Variants in CDKN3 observed in about 807,000 individuals in gnomAD.
CDKN3 encodes the protein cyclin dependent kinase inhibitor 3.
In CDKN3, 19 loss-of-function variants were observed where a neutral mutation model predicts 36.1. The observed-to-expected ratio is 0.53, with a 90% confidence interval of 0.37 to 0.77. The LOEUF (loss-of-function observed/expected upper bound fraction) is 0.77, where lower values mean the gene tolerates loss of function less well. CDKN3 is among the 30% of genes least tolerant of loss of function. The pLI, the probability that CDKN3 is intolerant of heterozygous loss-of-function variation, is 0.00. For missense variants in CDKN3, 188 were observed against 248.6 expected (o/e 0.76, Z 1.64); for synonymous variants, 71 against 85.3 (o/e 0.83, Z 0.92).
chr14:54,400,048 C>A, intron 2 of CDKN3, 72 bp downstream of exon 2: 1 of 790,472 alleles, frequency 1.3e-6, no homozygotes, highest in Non-Finnish European at 2.3e-6. Context: ...TTAGTTACAT[C>A]ATAATCTTAG....
intron 5 of CDKN3, among the ~76,000 whole-genome samples, chr14:54,415,333 T>C (rs1471750981): frequency 6.6e-6 from 1 of 152,218 alleles, no homozygotes; most frequent in Non-Finnish European, 1.5e-5. Context: ...CTGATGTACA[T>C]ACTATTGCTA....
At chr14:54,398,659 T>C (rs1886387082) in intron 1 of CDKN3, among the ~76,000 whole-genome samples, 1 of 152,240 alleles carries the variant, frequency 6.6e-6, no homozygotes, top group Non-Finnish European at 1.5e-5. Flanking sequence ...TGTTTTGTTT[T>C]TGTTTTTCTT....
rs973278759 is a variant in CDKN3, at chr14:54,415,373, C to T, written c.417-526C>T. Among the ~76,000 whole-genome samples the T allele has an allele frequency of 2.0e-5, 3 of 152,182 alleles. No individual in the cohort carries two copies. In the East Asian group the frequency reaches 5.8e-4, roughly 29 times the overall value. On this transcript the variant is annotated intron_variant, in intron 5 of 7. Transcript: ENST00000335183. ...CATTTTAAAGGTGAAAAGGCTGAGT[C>T]CCAGAGAGATTAAATAACTTGCTTA... is the stretch of plus-strand genomic sequence containing the variant.
At position 54,401,428 on chromosome 14, in the gene CDKN3, T is replaced by G. The variant is rs2029936015; in HGVS notation, c.93-96T>G. ...ACTACTGTAAAACTTTAACACAACT[T>G]TATTTGGTGGCAAGCACCCATATTG... On this transcript the variant is annotated intron_variant, in intron 2 of 7. Coordinates refer to ENST00000335183, the MANE Select transcript of CDKN3 (RefSeq NM_005192.4). The G allele has an allele frequency of 4.1e-6, 3 of 728,222 alleles. No individual in the cohort carries two copies. In the East Asian group the frequency reaches 8.0e-5, roughly 20 times the overall value. 45.1% of individuals were successfully genotyped at this position (728,222 alleles called of 1,614,324 possible). A position where few individuals can be genotyped will look rare whatever the true frequency, so the allele number is the denominator to read the frequency against.
At chr14:54,406,471 T>C (rs1348314634) in intron 3 of CDKN3, among the ~76,000 whole-genome samples, 1 of 152,212 alleles carries the variant, frequency 6.6e-6, no homozygotes, top group Non-Finnish European at 1.5e-5. Flanking sequence ...CACTTTCAGG[T>C]ACACCAGTCA....
At chr14:54,408,877 T>G (rs1230502205) in intron 4 of CDKN3, 88 bp downstream of exon 4, 1 of 1,454,666 alleles carries the variant, frequency 6.9e-7, no homozygotes, top group African/African-American at 1.5e-5. Flanking sequence ...AAATCAGTTT[T>G]TTTTTAATAT....
At chr14:54,397,122 C>A in intron 1 of CDKN3, 45 bp downstream of exon 1, 2 of 1,459,698 alleles carry the variant, frequency 1.4e-6, no homozygotes, top group Non-Finnish European at 1.8e-6. Flanking sequence ...GCGGCAGGGA[C>A]GCAAGCGGTC....
At position 54,397,030 on chromosome 14, in the gene CDKN3, G is replaced by A. The variant is rs1250724498; in HGVS notation, c.-39G>A. 13 of 1,475,104 alleles carry A rather than the reference G, an allele frequency of 8.8e-6. No individual in the cohort carries two copies. The highest frequency in any genetic ancestry group is 1.2e-5 in the Non-Finnish European group (13 of 1,109,612). The allele number at this position is 1,475,104 out of a possible 1,614,324, so 91.4% of individuals were successfully genotyped here. Reference sequence around the variant, plus strand: ...GCACCGGTGAGTCGCCGGCGCTGCAGAGGGAGGCGGCACTGGTCTCGACGT... The same window carrying A: ...GCACCGGTGAGTCGCCGGCGCTGCAAAGGGAGGCGGCACTGGTCTCGACGT... On this transcript the variant is annotated 5_prime_UTR_variant, in exon 1 of 8. Coordinates refer to ENST00000335183, the MANE Select transcript of CDKN3 (RefSeq NM_005192.4).
intron 4 of CDKN3, 29 bp from the exon 5 acceptor site, chr14:54,411,455 T>C: frequency 6.6e-7 from 1 of 1,522,726 alleles, no homozygotes; most frequent in Non-Finnish European, 9.1e-7. Context: ...TCTATGTGTG[T>C]GTGTCTGTGT....
At chr14:54,415,534 A>G in intron 5 of CDKN3, among the ~76,000 whole-genome samples, 1 of 152,240 alleles carries the variant, frequency 6.6e-6, no homozygotes, top group South Asian at 2.1e-4. Flanking sequence ...TCTACATGGC[A>G]TTTGTGCAGT....
At chr14:54,406,151 T>C (rs888687225) in intron 3 of CDKN3, among the ~76,000 whole-genome samples, 2 of 152,230 alleles carry the variant, frequency 1.3e-5, no homozygotes, top group Admixed American at 1.3e-4. Context: ...TCTTTAAGAA[T>C]GTTGAATATT....
intron 3 of CDKN3, among the ~76,000 whole-genome samples, chr14:54,401,975 C>T (rs1195480674): frequency 1.3e-5 from 2 of 152,000 alleles, no homozygotes; most frequent in Admixed American, 6.6e-5. Flanking sequence ...TTTGGGAGGC[C>T]GAGGCCGGCA....
At chr14:54,414,258 A>T (rs183969948) in intron 5 of CDKN3, 1 of 152,722 alleles carries the variant, frequency 6.5e-6, no homozygotes, top group East Asian at 1.9e-4. Context: ...TAATTCAACC[A>T]GTAACACCTA....
At chr14:54,403,544 C>T (rs1032584575) in intron 3 of CDKN3, among the ~76,000 whole-genome samples, 4 of 152,146 alleles carry the variant, frequency 2.6e-5, no homozygotes, top group African/African-American at 9.7e-5. Flanking sequence ...TTTCTCTTGC[C>T]TGATTCCCCT....
At chr14:54,407,897 A>G (rs542134577) in intron 3 of CDKN3, among the ~76,000 whole-genome samples, 2 of 152,186 alleles carry the variant, frequency 1.3e-5, no homozygotes, top group Non-Finnish European at 2.9e-5. Flanking sequence ...CTCAGTTGGA[A>G]ATGCAGAAAT....
chr14:54,409,003 G>A (rs1254171906), intron 4 of CDKN3, among the ~76,000 whole-genome samples: 1 of 151,730 alleles, frequency 6.6e-6, no homozygotes, highest in Non-Finnish European at 1.5e-5. Flanking sequence ...TTCACTGATT[G>A]TTGTAGTTAT....
intron 6 of CDKN3, among the ~76,000 whole-genome samples, chr14:54,417,289 A>G (rs2030583070): frequency 6.6e-6 from 1 of 152,274 alleles, no homozygotes; most frequent in South Asian, 2.1e-4. Flanking sequence ...ACAATGTGGC[A>G]TATCTATACA....
chr14:54,419,982 C>T lies in CDKN3; in HGVS notation c.553-10C>T. 6.4e-7 allele frequency: 1 copy of T among 1,558,040 alleles called. No homozygotes were observed. ...TACAGTGTATTCCAATGTATCTTTA[C>T]TTTTTTCAGCAATACAATTATCTTC... On this transcript the variant is annotated splice_polypyrimidine_tract_variant and intron_variant, in intron 7 of 7. Coordinates refer to ENST00000335183, the MANE Select transcript of CDKN3 (RefSeq NM_005192.4).
chr14:54,417,482 T>C (rs1234247615), intron 6 of CDKN3, among the ~76,000 whole-genome samples: 1 of 152,204 alleles, frequency 6.6e-6, no homozygotes, highest in Non-Finnish European at 1.5e-5. Flanking sequence ...TGGTTGCCTA[T>C]GGCAGGGGTT....
Sources: allele counts gnomAD v4.1 joint callset (sites outside exome capture counted in the v4.1 genomes callset), GRCh38; gene constraint gnomAD v4.1.1; transcripts MANE v1.5; gene names NCBI Gene and HGNC (gene_info 2026-07-23, HGNC 2026-07-21).